The following ABTB3 variants were observed in gnomAD, a reference collection of about 807,000 sequenced individuals.
ABTB3 encodes the protein ankyrin repeat- and BTB/POZ domain-containing protein 3.
chr12:107,390,419 G>A, the ABTB3 span, among the ~76,000 whole-genome samples: 38 of 152,248 alleles, frequency 2.5e-4, no homozygotes, highest in Non-Finnish European at 5.6e-4. Context: ...AGCCTATGCT[G>A]TTTCCTCTAT....
the ABTB3 span, among the ~76,000 whole-genome samples, chr12:107,496,688 A>C: frequency 1.3e-5 from 2 of 152,300 alleles, no homozygotes; most frequent in South Asian, 4.1e-4. Flanking sequence ...CACTGTTCAG[A>C]TATGGAGACA....
chr12:107,487,807 G>C, the ABTB3 span, among the ~76,000 whole-genome samples: 1 of 152,034 alleles, frequency 6.6e-6, no homozygotes, highest in South Asian at 2.1e-4. Context: ...AAGGACACTG[G>C]AAAAAAAGTT....
the ABTB3 span, among the ~76,000 whole-genome samples, chr12:107,436,122 G>C: frequency 2.0e-5 from 3 of 152,154 alleles, no homozygotes; most frequent in Non-Finnish European, 2.9e-5. Flanking sequence ...CGTGTACCCA[G>C]TTCCCTACAT....
chr12:107,490,190 C>T, the ABTB3 span, among the ~76,000 whole-genome samples: 4 of 152,080 alleles, frequency 2.6e-5, no homozygotes, highest in East Asian at 7.7e-4. Flanking sequence ...TGTTTAGTTC[C>T]ACTCCACCGC....
At chr12:107,627,154 A>G in the ABTB3 span, among the ~76,000 whole-genome samples, 1 of 152,200 alleles carries the variant, frequency 6.6e-6, no homozygotes, top group Non-Finnish European at 1.5e-5. Context: ...AAAAATTCTT[A>G]ATTTATAGAC....
the ABTB3 span, among the ~76,000 whole-genome samples, chr12:107,470,010 TTCTCTC>T: frequency 2.8e-4 from 16 of 57,104 alleles, 1 homozygote; most frequent in African/African-American, 3.2e-4. Flanking sequence ...CTTTCTTTCT[TTCTCTC>T]TCTCTCTCTC....
At chr12:107,558,700 A>G in the ABTB3 span, among the ~76,000 whole-genome samples, 2 of 152,172 alleles carry the variant, frequency 1.3e-5, no homozygotes, top group Non-Finnish European at 2.9e-5. Context: ...TTCAGTGAAT[A>G]ATTTTAATAG....
the ABTB3 span, among the ~76,000 whole-genome samples, chr12:107,403,367 CTA>C: frequency 2.6e-5 from 4 of 152,092 alleles, no homozygotes; most frequent in Non-Finnish European, 4.4e-5. Context: ...TCACCGGGCT[CTA>C]TTTCCAGAAT....
chr12:107,428,268 C>T, the ABTB3 span, among the ~76,000 whole-genome samples: 1 of 152,194 alleles, frequency 6.6e-6, no homozygotes, highest in Admixed American at 6.5e-5. Flanking sequence ...ACATGGTCAG[C>T]ATCCAGGATC....
chr12:107,622,014 G>A, the ABTB3 span, among the ~76,000 whole-genome samples: 4 of 152,304 alleles, frequency 2.6e-5, no homozygotes, highest in African/African-American at 7.2e-5. Flanking sequence ...GCCGAGGTGG[G>A]AGGATTGCTT....
At chr12:107,358,913 C>T in the ABTB3 span, among the ~76,000 whole-genome samples, 1 of 152,144 alleles carries the variant, frequency 6.6e-6, no homozygotes, top group African/African-American at 2.4e-5. Context: ...TTAAGGAGGC[C>T]TCCTAGGATT....
chr12:107,642,109 A>C, the ABTB3 span: 2 of 1,614,018 alleles, frequency 1.2e-6, no homozygotes, highest in Non-Finnish European at 1.7e-6. Flanking sequence ...ACTCCTCTCC[A>C]GCAAGCCGAC....
chr12:107,535,311 AC>A, the ABTB3 span, among the ~76,000 whole-genome samples: 407 of 152,286 alleles, frequency 2.7e-3, 5 homozygotes, highest in African/African-American at 9.1e-3. Flanking sequence ...TGACACACCC[AC>A]AGCTAACATT....
the ABTB3 span, among the ~76,000 whole-genome samples, chr12:107,401,706 G>T: frequency 1.3e-5 from 2 of 152,104 alleles, no homozygotes; most frequent in Non-Finnish European, 1.5e-5. Context: ...CACAAATTTG[G>T]CCCCTAATGT....
chr12:107,338,360 AC>A, the ABTB3 span, among the ~76,000 whole-genome samples: 4 of 152,198 alleles, frequency 2.6e-5, no homozygotes, highest in Non-Finnish European at 4.4e-5. Flanking sequence ...AATATTCACA[AC>A]AGCCCTATGT....
chr12:107,517,215 C>T, the ABTB3 span, among the ~76,000 whole-genome samples: 12 of 152,218 alleles, frequency 7.9e-5, no homozygotes, highest in East Asian at 2.3e-3. Flanking sequence ...CTGTTCTGTT[C>T]CATTGGTCTA....
the ABTB3 span, among the ~76,000 whole-genome samples, chr12:107,391,138 G>A: frequency 2.6e-5 from 4 of 152,168 alleles, no homozygotes; most frequent in Admixed American, 6.5e-5. Flanking sequence ...GTGACAGAGC[G>A]AGACTCCGCC....
chr12:107,648,516 C>T, the ABTB3 span, among the ~76,000 whole-genome samples: 6 of 152,086 alleles, frequency 3.9e-5, no homozygotes, highest in Admixed American at 3.9e-4. Flanking sequence ...TCCACGGGCC[C>T]CATTCCATTC....
chr12:107,319,939 C>G, the ABTB3 span: 1 of 1,549,942 alleles, frequency 6.5e-7, no homozygotes, highest in South Asian at 1.2e-5. Context: ...CCAACCACCA[C>G]CATCACCACC....
Sources: gnomAD v4.1 joint callset for allele counts (sites outside exome capture counted in the v4.1 genomes callset) on GRCh38, gnomAD v4.1.1 for gene constraint, MANE v1.5 for transcripts, NCBI Gene and HGNC (gene_info 2026-07-23, HGNC 2026-07-21) for gene names.